ERC2: variants seen among roughly 807,000 people sequenced by gnomAD.
The protein encoded by ERC2 is ELKS/RAB6-interacting/CAST family member 2.
Under a neutral mutation model 114.8 loss-of-function variants are expected in ERC2, and 42 were observed. That is an observed-to-expected ratio of 0.37 (90% CI 0.29 to 0.47). The LOEUF is 0.47. Among genes scored for constraint, ERC2 ranks in the 20% least tolerant of loss-of-function variants. ERC2 has a pLI of 0.99. For synonymous variants in ERC2, 454 were observed against 425.5 expected, an observed-to-expected ratio of 1.07 and a Z score of -0.82; for missense variants, 939 against 1,150.7, an observed-to-expected ratio of 0.82 and a Z score of 2.66.
At chr3:56,007,349 A>G (rs879207696) in intron 9 of ERC2, 28 bp from the exon 10 acceptor site, 2 of 1,574,596 alleles carry the variant, frequency 1.3e-6, no homozygotes, top group Admixed American at 3.8e-5. Context: ...TGAGTGAGTA[A>G]AACACTGAAA....
chr3:56,021,365 A>G (rs11130492), intron 7 of ERC2, among the ~76,000 whole-genome samples: 47,640 of 151,824 alleles, frequency 0.31, 8,214 homozygotes, highest in African/African-American at 0.43. Flanking sequence ...TGTGGGTTTT[A>G]TTATTTTAAA....
intron 7 of ERC2, among the ~76,000 whole-genome samples, chr3:56,057,585 T>C (rs2076070486): frequency 6.6e-6 from 1 of 152,226 alleles, no homozygotes; most frequent in Non-Finnish European, 1.5e-5. Flanking sequence ...CCCAGAACCT[T>C]GTTTTCATCT....
chr3:55,939,183 G>C (rs2066629716), intron 13 of ERC2, among the ~76,000 whole-genome samples: 2 of 152,304 alleles, frequency 1.3e-5, no homozygotes, highest in East Asian at 3.9e-4. Context: ...TTTCAACAAA[G>C]TGGCAGGGGC....
intron 15 of ERC2, among the ~76,000 whole-genome samples, chr3:55,712,543 C>G (rs1011748739): frequency 6.6e-6 from 1 of 152,214 alleles, no homozygotes; most frequent in African/African-American, 2.4e-5. Context: ...GCCACTCATG[C>G]TTGTGTTGGT....
At chr3:55,924,237 C>A (rs1012319225) in intron 13 of ERC2, among the ~76,000 whole-genome samples, 20 of 152,086 alleles carry the variant, frequency 1.3e-4, no homozygotes, top group Admixed American at 6.5e-5. Context: ...CAGGGGTTGG[C>A]AAACTTTTTC....
chr3:55,705,758 G>A (rs557824073), intron 15 of ERC2, among the ~76,000 whole-genome samples: 3 of 152,086 alleles, frequency 2.0e-5, no homozygotes, highest in Non-Finnish European at 4.4e-5. Context: ...TCCCAACTTT[G>A]TTAAAGGTGG....
At chr3:56,404,457 T>C (rs1389324789) in intron 2 of ERC2, among the ~76,000 whole-genome samples, 2 of 152,264 alleles carry the variant, frequency 1.3e-5, no homozygotes, top group African/African-American at 2.4e-5. Flanking sequence ...ATCGAAGATA[T>C]GCAGGGCATT....
intron 14 of ERC2, among the ~76,000 whole-genome samples, chr3:55,824,576 A>G (rs1366471701): frequency 6.6e-6 from 1 of 152,222 alleles, no homozygotes; most frequent in Non-Finnish European, 1.5e-5. Flanking sequence ...CCTGGGTGGA[A>G]TGATTATTTA....
chr3:55,514,206 G>T (rs1276913870), intron 17 of ERC2, among the ~76,000 whole-genome samples: 1 of 152,128 alleles, frequency 6.6e-6, no homozygotes, highest in African/African-American at 2.4e-5. Flanking sequence ...AGACCAACCT[G>T]GGCAACATGG....
At chr3:55,940,081 C>T (rs1449196200) in intron 13 of ERC2, among the ~76,000 whole-genome samples, 3 of 152,132 alleles carry the variant, frequency 2.0e-5, no homozygotes, top group African/African-American at 7.2e-5. Context: ...AGAAGACTGA[C>T]TTCCCTAGAT....
At chr3:56,451,066 T>C (rs904803526) in intron 1 of ERC2, among the ~76,000 whole-genome samples, 3 of 152,296 alleles carry the variant, frequency 2.0e-5, no homozygotes, top group African/African-American at 4.8e-5. Context: ...TGCATTTCCT[T>C]TCATCTGCAA....
At chr3:56,045,957 G>C (rs2075434868) in intron 7 of ERC2, among the ~76,000 whole-genome samples, 1 of 152,062 alleles carries the variant, frequency 6.6e-6, no homozygotes, top group African/African-American at 2.4e-5. Flanking sequence ...AAATAGCGTG[G>C]CTTCCAAATT....
intron 1 of ERC2, among the ~76,000 whole-genome samples, chr3:56,455,687 T>C (rs1287897069): frequency 6.6e-6 from 1 of 152,254 alleles, no homozygotes; most frequent in Admixed American, 6.5e-5. Flanking sequence ...AGATACTTAA[T>C]ATGATCTTCT....
rs139717957 is a variant in ERC2, at chr3:56,037,299, C to A, written c.1642-18268G>T. ...TAACCCAATGCAAAGAAGCTAAGAA[C>A]CCTGATAAAACATCACAGGAGCTGT... On this transcript the variant is annotated intron_variant, in intron 7 of 17. Transcript: ENST00000288221. Among the ~76,000 whole-genome samples, 11 of 152,196 alleles carry A rather than the reference C, an allele frequency of 7.2e-5. No homozygotes were observed. In the East Asian group the frequency reaches 2.1e-3, roughly 29 times the overall value.
chr3:55,641,115 A>G (rs752239221), intron 17 of ERC2, among the ~76,000 whole-genome samples: 1 of 152,190 alleles, frequency 6.6e-6, no homozygotes, highest in Non-Finnish European at 1.5e-5. Flanking sequence ...GAATCTTACA[A>G]TAGAAGTCTG....
Position 56,074,630 on chromosome 3 carries a change from G to A in ERC2, c.1641+6187C>T, listed in dbSNP as rs28702651. Among the ~76,000 whole-genome samples the A allele has an allele frequency of 5.9e-3, 895 of 152,230 alleles. 7 individuals carry two copies. The highest frequency in any genetic ancestry group is 0.015 in the East Asian group (76 of 5,168). On this transcript the variant is annotated intron_variant, in intron 7 of 17. Coordinates refer to ENST00000288221, the MANE Select transcript of ERC2 (RefSeq NM_015576.3). ...AAAAGGAAAATGAAGGAAGAGTGGC[G>A]AAACACCCTTACTCAAACCTTCATC...
chr3:55,709,375 A>T (rs1269885873), intron 15 of ERC2, among the ~76,000 whole-genome samples: 2 of 152,236 alleles, frequency 1.3e-5, no homozygotes, highest in East Asian at 3.8e-4. Flanking sequence ...AAAATAAATT[A>T]TAACAAGCAC....
chr3:56,290,841 C>T (rs1372723918), intron 3 of ERC2, among the ~76,000 whole-genome samples: 1 of 152,088 alleles, frequency 6.6e-6, no homozygotes, highest in African/African-American at 2.4e-5. Context: ...GTCTGCCCAC[C>T]CCCAGCACAG....
At chr3:55,790,689 A>C (rs949003426) in intron 14 of ERC2, among the ~76,000 whole-genome samples, 2 of 152,182 alleles carry the variant, frequency 1.3e-5, no homozygotes. Context: ...GGGAAACCCA[A>C]CCCAGACAAT....
Sources: gnomAD v4.1 joint callset for allele counts (sites outside exome capture counted in the v4.1 genomes callset) on GRCh38, gnomAD v4.1.1 for gene constraint, MANE v1.5 for transcripts, NCBI Gene and HGNC (gene_info 2026-07-23, HGNC 2026-07-21) for gene names.